DENND2A: variants seen among roughly 807,000 people sequenced by gnomAD.
DENND2A encodes DENN domain containing 2A, also known as DENN domain-containing protein 2A.
In DENND2A, 53 loss-of-function variants were observed where a neutral mutation model predicts 105.3. The observed-to-expected ratio is 0.50, with a 90% CI of 0.40 to 0.63. The LOEUF is 0.63. Among genes scored for constraint, DENND2A ranks in the 30% least tolerant of loss-of-function variants. The pLI, the probability that DENND2A is intolerant of heterozygous loss-of-function variation, is 0.00. For synonymous variants in DENND2A, 522 were observed against 508.4 expected (o/e 1.03, Z -0.36); for missense variants, 1,138 against 1,279.6 (o/e 0.89, Z 1.69).
At chr7:140,592,320 C>T (rs1799089992) in intron 3 of DENND2A, among the ~76,000 whole-genome samples, 1 of 151,786 alleles carries the variant, frequency 6.6e-6, no homozygotes, top group African/African-American at 2.4e-5. Context: ...CATTCTCCTG[C>T]CTCAGGCTCT....
At chr7:140,592,602 T>A in intron 3 of DENND2A, among the ~76,000 whole-genome samples, 1 of 151,196 alleles carries the variant, frequency 6.6e-6, no homozygotes, top group East Asian at 2.0e-4. Context: ...CCTGCCCTTT[T>A]TTTTTTTCTT....
chr7:140,573,768 G>T, intron 6 of DENND2A, 40 bp downstream of exon 6: 1 of 1,590,346 alleles, frequency 6.3e-7, no homozygotes, highest in South Asian at 1.1e-5. Flanking sequence ...CAGAGAAGGG[G>T]TCATGCATAC....
chr7:140,558,244 A>T (rs753692786), intron 10 of DENND2A, 32 bp from the exon 11 acceptor site: 22 of 1,584,354 alleles, frequency 1.4e-5, no homozygotes, highest in Non-Finnish European at 1.9e-5. Flanking sequence ...TGTATCATAA[A>T]GCAAAACAAA....
chr7:140,580,781 C>G (rs1239173908), intron 5 of DENND2A, among the ~76,000 whole-genome samples: 3 of 151,998 alleles, frequency 2.0e-5, no homozygotes, highest in Admixed American at 2.0e-4. Context: ...GGACTACAGG[C>G]GAGTGCCACT....
chr7:140,569,572 A>T lies in DENND2A; in HGVS notation c.1540+73T>A, dbSNP rs544530011. On this transcript the variant is annotated intron_variant, in intron 7 of 19. Coordinates refer to ENST00000496613, the MANE Select transcript of DENND2A (RefSeq NM_015689.5). ...CCTCCTTGGTGAGCCAACCAGAAAA[A>T]ACAGGAAGCCACTTCTGGAAAGAAT... The T allele has an allele frequency of 4.3e-5, 46 of 1,075,214 alleles. No homozygotes were observed. The African/African-American group carries it at 5.6e-4, about 13-fold the overall frequency. The allele number at this position is 1,075,214 out of a possible 1,614,324, so 66.6% of individuals were successfully genotyped here. A position where few individuals can be genotyped will look rare whatever the true frequency, so the allele number is the denominator to read the frequency against.
chr7:140,554,352 G>A (rs978300286), intron 12 of DENND2A, among the ~76,000 whole-genome samples: 28 of 151,470 alleles, frequency 1.8e-4, no homozygotes, highest in Non-Finnish European at 3.2e-4. Context: ...ATAAATTTAT[G>A]AATTAGGCCA....
intron 14 of DENND2A, chr7:140,543,455 A>G (rs1796761054): frequency 6.6e-6 from 1 of 151,582 alleles, no homozygotes. Flanking sequence ...CTGTTTTCCT[A>G]CCACATAGCA....
chr7:140,604,678 T>G (rs572948764), intron 2 of DENND2A, among the ~76,000 whole-genome samples: 73 of 152,326 alleles, frequency 4.8e-4, no homozygotes, highest in African/African-American at 1.7e-3. Flanking sequence ...ACAACGTGGT[T>G]ATTAATGTCC....
At chr7:140,537,611 A>G (rs1028799879) in intron 14 of DENND2A, among the ~76,000 whole-genome samples, 3 of 152,014 alleles carry the variant, frequency 2.0e-5, no homozygotes, top group African/African-American at 7.2e-5. Context: ...CCAGCTCATA[A>G]ATTCCTTGAA....
chr7:140,636,669 A>G (rs1800946919), intron 1 of DENND2A, among the ~76,000 whole-genome samples: 1 of 148,758 alleles, frequency 6.7e-6, no homozygotes. Flanking sequence ...GTTGTTTTGA[A>G]TCTCCCTCCC....
chr7:140,521,001 AG>A (rs1447085068), intron 18 of DENND2A, among the ~76,000 whole-genome samples: 1 of 150,598 alleles, frequency 6.6e-6, no homozygotes, highest in Non-Finnish European at 1.5e-5. Flanking sequence ...CAGTCTCCTG[AG>A]TAGCTGGGAT....
intron 6 of DENND2A, 108 bp from the exon 7 acceptor site, chr7:140,569,846 G>A (rs1417652813): frequency 4.0e-6 from 3 of 757,776 alleles, no homozygotes; most frequent in East Asian, 4.9e-5. Flanking sequence ...CAGGGCCAGG[G>A]GGAGTGGGAG....
intron 4 of DENND2A, among the ~76,000 whole-genome samples, chr7:140,586,759 A>G (rs968022383): frequency 1.3e-5 from 2 of 152,202 alleles, no homozygotes; most frequent in African/African-American, 4.8e-5. Context: ...CACAGATGCA[A>G]TTCCAATTGC....
At chr7:140,562,562 T>C (rs1011021155) in intron 9 of DENND2A, among the ~76,000 whole-genome samples, 1 of 152,064 alleles carries the variant, frequency 6.6e-6, no homozygotes, top group East Asian at 1.9e-4. Flanking sequence ...CTCAGGAGGC[T>C]GAGGCAGAAG....
intron 4 of DENND2A, among the ~76,000 whole-genome samples, chr7:140,586,130 C>A (rs80102225): frequency 6.6e-6 from 1 of 152,184 alleles, no homozygotes; most frequent in Non-Finnish European, 1.5e-5. Context: ...GCTCTTCTCT[C>A]CACCAAGAAG....
In DENND2A at chr7:140,601,684, T is replaced by G. The variant is rs780014751; in HGVS notation, c.714A>C (p.Ser238=). 1 of 1,613,980 alleles carries G rather than the reference T, an allele frequency of 6.2e-7. No homozygotes were observed. The highest frequency in any genetic ancestry group is 8.5e-7 in the Non-Finnish European group (1 of 1,179,890). ...TPELVEDRKG[S]CRRPWDRSLE... ...GGCTCCGGTCCCAGGGCCTTCTGCA[T>G]GAACCTTTCCTGTCCTCCACAAGCT... The change falls in exon 3 of 20, where the codon TCA becomes TCC. Residue 238 remains serine, a synonymous_variant. Coordinates refer to ENST00000496613, the MANE Select transcript of DENND2A (RefSeq NM_015689.5).
At chr7:140,623,525 C>G (rs899627812) in intron 1 of DENND2A, among the ~76,000 whole-genome samples, 3 of 151,242 alleles carry the variant, frequency 2.0e-5, no homozygotes, top group African/African-American at 7.3e-5. Flanking sequence ...GTCAGGAGTT[C>G]GAGACCAGCC....
At chr7:140,567,296 A>AAAAGAG in intron 8 of DENND2A, 23 bp from the exon 9 acceptor site, 2 of 831,378 alleles carry the variant, frequency 2.4e-6, no homozygotes, top group Admixed American at 2.9e-5. Context: ...GGGAGAGAGA[A>AAAAGAG]AGAGAGAAAG....
chr7:140,606,444 G>C (rs7794206), intron 1 of DENND2A, among the ~76,000 whole-genome samples: 18,786 of 152,142 alleles, frequency 0.12, 3,226 homozygotes, highest in African/African-American at 0.39. Flanking sequence ...CTTTTTTAGG[G>C]TCTCTAAGAA....
Sources: gnomAD v4.1 joint callset for allele counts (sites outside exome capture counted in the v4.1 genomes callset) on GRCh38, gnomAD v4.1.1 for gene constraint, MANE v1.5 for transcripts, NCBI Gene and HGNC (gene_info 2026-07-23, HGNC 2026-07-21) for gene names.